SUMF1: variants seen among roughly 807,000 people sequenced by gnomAD.
SUMF1 encodes the protein formylglycine-generating enzyme.
In SUMF1, 48 loss-of-function variants were observed where a neutral mutation model predicts 47.6. That is an observed-to-expected ratio of 1.01 (90% CI 0.80 to 1.28). The LOEUF is 1.28. SUMF1 is among the 50% of genes most tolerant of loss of function. SUMF1 has a pLI of 0.00. For missense variants in SUMF1, 571 were observed against 485.4 expected, an observed-to-expected ratio of 1.18 and a Z score of -1.66; for synonymous variants, 230 against 192.1, an observed-to-expected ratio of 1.20 and a Z score of -1.63.
At chr3:4,291,687 A>G (rs1170483068) in intron 8 of SUMF1, among the ~76,000 whole-genome samples, 2 of 152,174 alleles carry the variant, frequency 1.3e-5, no homozygotes, top group African/African-American at 4.8e-5. Flanking sequence ...CTTTGGGGAA[A>G]GACGAAATTA....
intron 8 of SUMF1, among the ~76,000 whole-genome samples, chr3:4,194,400 T>C (rs1695384766): frequency 6.6e-6 from 1 of 152,130 alleles, no homozygotes; most frequent in Admixed American, 6.6e-5. Context: ...GGCGGAATCA[T>C]GTGTTATGTG....
intron 8 of SUMF1, among the ~76,000 whole-genome samples, chr3:4,229,556 T>C (rs1696251499): frequency 6.6e-6 from 1 of 152,156 alleles, no homozygotes; most frequent in Admixed American, 6.5e-5. Context: ...AAATAATTCA[T>C]ACATAATGTT....
chr3:4,365,980 T>C (rs1367391320), intron 8 of SUMF1, among the ~76,000 whole-genome samples: 1 of 152,070 alleles, frequency 6.6e-6, no homozygotes, highest in African/African-American at 2.4e-5. Context: ...TTATGAAGCT[T>C]AGTTTGGCTG....
chr3:4,051,182 A>G (rs950364371), intron 9 of SUMF1, among the ~76,000 whole-genome samples: 2 of 151,954 alleles, frequency 1.3e-5, no homozygotes, highest in Non-Finnish European at 2.9e-5. Context: ...TCCTAAAACA[A>G]CTGGAAACTA....
chr3:4,036,482 A>G (rs1287754306), intron 9 of SUMF1, among the ~76,000 whole-genome samples: 1 of 152,102 alleles, frequency 6.6e-6, no homozygotes, highest in Non-Finnish European at 1.5e-5. Flanking sequence ...AGAAAAAATG[A>G]AGGCTCTTTG....
At chr3:4,395,568 A>C (rs544163492) in intron 7 of SUMF1, among the ~76,000 whole-genome samples, 153 of 152,288 alleles carry the variant, frequency 1.0e-3, no homozygotes, top group Non-Finnish European at 1.8e-3. Context: ...GCAGTAAAAC[A>C]CACGAATCAA....
intron 3 of SUMF1, among the ~76,000 whole-genome samples, chr3:4,437,861 C>A (rs1467945315): frequency 1.3e-5 from 2 of 152,216 alleles, no homozygotes; most frequent in Non-Finnish European, 2.9e-5. Flanking sequence ...ATCTCTTAAA[C>A]CCTGGAGGCA....
At chr3:4,197,365 T>G (rs1198377117) in intron 8 of SUMF1, among the ~76,000 whole-genome samples, 1 of 152,122 alleles carries the variant, frequency 6.6e-6, no homozygotes, top group African/African-American at 2.4e-5. Flanking sequence ...CCTCCCAAAG[T>G]GCTGGGATTA....
chr3:4,364,571 T>A (rs1259422320), intron 8 of SUMF1, among the ~76,000 whole-genome samples: 2 of 151,358 alleles, frequency 1.3e-5, no homozygotes, highest in Non-Finnish European at 2.9e-5. Context: ...GGTGGTGATA[T>A]CCCCTTTATC....
intron 8 of SUMF1, among the ~76,000 whole-genome samples, chr3:4,320,392 G>T (rs1467618104): frequency 6.6e-6 from 1 of 152,166 alleles, no homozygotes; most frequent in Non-Finnish European, 1.5e-5. Context: ...CCCTCTGGAG[G>T]TTTGATAATT....
intron 8 of SUMF1, among the ~76,000 whole-genome samples, chr3:4,154,652 C>G (rs754685599): frequency 2.0e-5 from 3 of 151,588 alleles, no homozygotes; most frequent in Non-Finnish European, 2.9e-5. Context: ...TCTTTTGAGG[C>G]ATCCACACTG....
chr3:4,228,037 C>A (rs955975212), intron 8 of SUMF1, among the ~76,000 whole-genome samples: 1 of 151,906 alleles, frequency 6.6e-6, no homozygotes, highest in African/African-American at 2.4e-5. Context: ...AAAGGCCCTG[C>A]AATGGGAAAG....
chr3:4,388,145 T>C lies in SUMF1; in HGVS notation c.955-11756A>G, dbSNP rs116096737. On this transcript the variant is annotated intron_variant, in intron 7 of 8. Transcript: ENST00000272902. ...GCTGAACTTCTGTCTAATTGTACTATCAATTATTGAGAAAGGAGTGGTAAG... is the reference window on the plus strand; with the variant it reads ...GCTGAACTTCTGTCTAATTGTACTACCAATTATTGAGAAAGGAGTGGTAAG... Among the ~76,000 whole-genome samples, 399 of 152,184 alleles carry C rather than the reference T, an allele frequency of 2.6e-3. 4 individuals are homozygous for C. The highest frequency in any genetic ancestry group is 9.2e-3 in the African/African-American group (381 of 41,574).
At chr3:4,157,296 G>A (rs571496238) in intron 8 of SUMF1, among the ~76,000 whole-genome samples, 1 of 151,584 alleles carries the variant, frequency 6.6e-6, no homozygotes, top group South Asian at 2.1e-4. Context: ...AACCACTTCA[G>A]GGAAGAGGCC....
chr3:4,230,721 A>C (rs901180500), intron 8 of SUMF1, among the ~76,000 whole-genome samples: 1 of 151,924 alleles, frequency 6.6e-6, no homozygotes, highest in African/African-American at 2.4e-5. Context: ...GAAATTCCCA[A>C]TCCTCTAATC....
chr3:4,352,305 CA>C (rs1380114447), intron 8 of SUMF1, among the ~76,000 whole-genome samples: 1 of 152,078 alleles, frequency 6.6e-6, no homozygotes, highest in African/African-American at 2.4e-5. Flanking sequence ...AGTTCCCCCC[CA>C]AAAACTACTC....
intron 8 of SUMF1, among the ~76,000 whole-genome samples, chr3:4,306,148 G>C (rs1317135382): frequency 2.0e-5 from 3 of 152,202 alleles, no homozygotes; most frequent in African/African-American, 7.2e-5. Context: ...CCGTGCGTGT[G>C]TGTGTGCGTT....
chr3:4,224,987 C>G (rs569550157), intron 8 of SUMF1, among the ~76,000 whole-genome samples: 1 of 152,146 alleles, frequency 6.6e-6, no homozygotes, highest in East Asian at 1.9e-4. Flanking sequence ...TTGGGTTTGT[C>G]TTGGACAATC....
chr3:4,283,506 A>C (rs1697570135), intron 8 of SUMF1, among the ~76,000 whole-genome samples: 1 of 152,182 alleles, frequency 6.6e-6, no homozygotes, highest in African/African-American at 2.4e-5. Context: ...GTTAAAATTC[A>C]AATAAGAGCA....
Sources: allele counts gnomAD v4.1 joint callset (sites outside exome capture counted in the v4.1 genomes callset), GRCh38; gene constraint gnomAD v4.1.1; transcripts MANE v1.5; gene names NCBI Gene and HGNC (gene_info 2026-07-23, HGNC 2026-07-21).